The following RPSA2 variants were observed in gnomAD, a reference collection of about 807,000 sequenced individuals.
The protein encoded by RPSA2 is ribosomal protein SA 2.
chr19:23,798,827 A>T, the RPSA2 span: 2 of 135,016 alleles, frequency 1.5e-5, no homozygotes, highest in African/African-American at 5.6e-5. Context: ...ATAAAGACAG[A>T]TGATGTGGCC....
At chr19:23,857,924 A>G in the RPSA2 span, among the ~76,000 whole-genome samples, 1 of 151,982 alleles carries the variant, frequency 6.6e-6, no homozygotes, top group Non-Finnish European at 1.5e-5. Flanking sequence ...GCGTCTTTAT[A>G]CTGATTTCTG....
At chr19:23,769,160 T>C in the RPSA2 span, among the ~76,000 whole-genome samples, 1 of 152,198 alleles carries the variant, frequency 6.6e-6, no homozygotes, top group Non-Finnish European at 1.5e-5. Flanking sequence ...GTGGGGATTG[T>C]GACGTATTGC....
chr19:23,811,655 G>A, the RPSA2 span, among the ~76,000 whole-genome samples: 1 of 151,204 alleles, frequency 6.6e-6, no homozygotes, highest in African/African-American at 2.4e-5. Flanking sequence ...AATTAAATTA[G>A]GTAATTAGTA....
chr19:23,785,050 A>G, the RPSA2 span, among the ~76,000 whole-genome samples: 1 of 152,156 alleles, frequency 6.6e-6, no homozygotes, highest in African/African-American at 2.4e-5. Flanking sequence ...TAAGCGTTTT[A>G]GTGATTTGAC....
At chr19:23,761,933 T>C in the RPSA2 span, among the ~76,000 whole-genome samples, 18 of 41,938 alleles carry the variant, frequency 4.3e-4, no homozygotes, top group Non-Finnish European at 6.7e-4. Flanking sequence ...TTTTTTTTTT[T>C]TTGAGATGGA....
the RPSA2 span, among the ~76,000 whole-genome samples, chr19:23,766,140 T>C: frequency 1.4e-5 from 1 of 70,120 alleles, no homozygotes; most frequent in South Asian, 7.5e-4. Context: ...GATATTTCAT[T>C]TCCTTTTTTT....
chr19:23,761,041 G>GAT, the RPSA2 span, among the ~76,000 whole-genome samples: 1 of 6,040 alleles, frequency 1.7e-4, no homozygotes, highest in African/African-American at 2.0e-4. Flanking sequence ...ATATATATAG[G>GAT]GTATATATGT....
chr19:23,829,980 T>A, the RPSA2 span, among the ~76,000 whole-genome samples: 4 of 152,180 alleles, frequency 2.6e-5, no homozygotes, highest in Non-Finnish European at 4.4e-5. Context: ...AAGGAACTGT[T>A]GTTAGCACCT....
At chr19:23,792,611 GTC>G in the RPSA2 span, among the ~76,000 whole-genome samples, 23 of 144,018 alleles carry the variant, frequency 1.6e-4, no homozygotes, top group African/African-American at 5.4e-4. Context: ...TTGTGACAGA[GTC>G]TAGCTCTGTC....
At chr19:23,789,019 CTTTCTTTT>C in the RPSA2 span, among the ~76,000 whole-genome samples, 2 of 112,602 alleles carry the variant, frequency 1.8e-5, no homozygotes, top group East Asian at 2.6e-4. Context: ...TTTTTTCTTT[CTTTCTTTT>C]TTTTTTTTTG....
the RPSA2 span, among the ~76,000 whole-genome samples, chr19:23,824,719 G>T: frequency 3.3e-5 from 5 of 150,254 alleles, no homozygotes; most frequent in Admixed American, 2.0e-4. Flanking sequence ...TTTTTTTGTA[G>T]AACTGTGCTA....
the RPSA2 span, among the ~76,000 whole-genome samples, chr19:23,784,155 G>A: frequency 1.3e-5 from 2 of 152,178 alleles, no homozygotes; most frequent in African/African-American, 4.8e-5. Flanking sequence ...TCACAGCTAC[G>A]CTTAGGAAAA....
the RPSA2 span, among the ~76,000 whole-genome samples, chr19:23,785,692 C>T: frequency 3.1e-4 from 42 of 134,086 alleles, no homozygotes; most frequent in African/African-American, 9.9e-4. Context: ...TGGCCAAAAA[C>T]CCAGGTGATG....
the RPSA2 span, chr19:23,832,629 A>T: frequency 7.0e-7 from 1 of 1,434,294 alleles, no homozygotes; most frequent in Non-Finnish European, 9.3e-7. Context: ...ACTGGGAGAG[A>T]CCCTACAAAT....
the RPSA2 span, among the ~76,000 whole-genome samples, chr19:23,862,553 T>C: frequency 2.6e-5 from 4 of 152,148 alleles, no homozygotes; most frequent in African/African-American, 9.7e-5. Flanking sequence ...ATACATCCCA[T>C]CAATACCTAA....
At chr19:23,854,541 T>A in the RPSA2 span, among the ~76,000 whole-genome samples, 1 of 152,190 alleles carries the variant, frequency 6.6e-6, no homozygotes, top group African/African-American at 2.4e-5. Context: ...TGGCCCTGCT[T>A]TCTGTTTCCC....
the RPSA2 span, among the ~76,000 whole-genome samples, chr19:23,850,745 AT>A: frequency 6.6e-5 from 10 of 151,690 alleles, no homozygotes; most frequent in East Asian, 1.6e-3. Context: ...TTTAGGGAGA[AT>A]TTTTTTTGCC....
the RPSA2 span, among the ~76,000 whole-genome samples, chr19:23,845,883 A>T: frequency 2.6e-5 from 4 of 152,182 alleles, no homozygotes; most frequent in Non-Finnish European, 5.9e-5. Flanking sequence ...TTCTCTTGAT[A>T]TCAATTCATA....
At chr19:23,804,278 C>T in the RPSA2 span, among the ~76,000 whole-genome samples, 2 of 150,084 alleles carry the variant, frequency 1.3e-5, no homozygotes. Context: ...GGGACTCTGT[C>T]CTGTGCCTCA....
Sources: allele counts gnomAD v4.1 joint callset (sites outside exome capture counted in the v4.1 genomes callset), GRCh38; gene constraint gnomAD v4.1.1; transcripts MANE v1.5; gene names NCBI Gene and HGNC (gene_info 2026-07-23, HGNC 2026-07-21).